The following SHOC2 variants were observed in gnomAD, a reference collection of about 807,000 sequenced individuals.
SHOC2 encodes the protein leucine-rich repeat protein SHOC-2.
A neutral mutation model predicts 50.2 loss-of-function variants in SHOC2; 4 were observed. The ratio of observed to expected loss-of-function variants is 0.08; its 90% CI spans 0.04 to 0.18. The LOEUF is 0.18. Among genes scored for constraint, SHOC2 ranks in the 10% least tolerant of loss-of-function variants. SHOC2 has a pLI of 1.00. For synonymous variants in SHOC2, 218 were observed against 244.5 expected, an observed-to-expected ratio of 0.89 and a Z score of 1.01; for missense variants, 388 against 669.6, an observed-to-expected ratio of 0.58 and a Z score of 4.64.
chr10:111,012,203 C>T lies in SHOC2; in HGVS notation c.*385C>T, dbSNP rs1260287622. On this transcript the variant is annotated 3_prime_UTR_variant, in exon 9 of 9. Coordinates refer to ENST00000369452, the MANE Select transcript of SHOC2 (RefSeq NM_007373.4). Reference sequence around the variant, plus strand: ...ACTTTTCATATATATTTTCCCCTTACCAATTGTTTTATCCTTATAGTATTG... The same window carrying T: ...ACTTTTCATATATATTTTCCCCTTATCAATTGTTTTATCCTTATAGTATTG... 4.6e-6 allele frequency: 1 copy of T among 217,896 alleles called. No individual in the cohort carries two copies. Among genetic ancestry groups the T allele is most frequent in the East Asian group, 1.3e-4 (1 of 7,956 alleles). 13.5% of individuals were successfully genotyped at this position (217,896 alleles called of 1,614,324 possible). A position where few individuals can be genotyped will look rare whatever the true frequency, so the allele number is the denominator to read the frequency against.
intron 4 of SHOC2, 87 bp from the exon 5 acceptor site, chr10:111,004,519 T>G: frequency 1.1e-6 from 1 of 942,928 alleles, no homozygotes; most frequent in Non-Finnish European, 1.7e-6. Flanking sequence ...CAAAGCCCTT[T>G]GAGGCATTTG....
intron 1 of SHOC2, among the ~76,000 whole-genome samples, chr10:110,950,918 C>T (rs1847338786): frequency 2.0e-5 from 3 of 151,886 alleles, no homozygotes; most frequent in Admixed American, 6.6e-5. Flanking sequence ...ACTTAAAGAG[C>T]GAAAACTGTA....
chr10:110,949,935 A>T (rs1454941871), intron 1 of SHOC2, among the ~76,000 whole-genome samples: 2 of 152,186 alleles, frequency 1.3e-5, no homozygotes, highest in Non-Finnish European at 2.9e-5. Flanking sequence ...TCAACACCAT[A>T]AAGATTATAT....
chr10:110,944,251 T>C (rs1847206083), intron 1 of SHOC2, among the ~76,000 whole-genome samples: 1 of 152,178 alleles, frequency 6.6e-6, no homozygotes, highest in Non-Finnish European at 1.5e-5. Flanking sequence ...AGTTGGTACT[T>C]ATCCAGGCCC....
intron 3 of SHOC2, among the ~76,000 whole-genome samples, chr10:110,998,183 G>A (rs1245128199): frequency 6.6e-6 from 1 of 151,872 alleles, no homozygotes; most frequent in Non-Finnish European, 1.5e-5. Flanking sequence ...ATTTTTAGTA[G>A]AGATGGGGTT....
At chr10:110,925,061 ACT>A (rs1167360958) in intron 1 of SHOC2, among the ~76,000 whole-genome samples, 1 of 114,366 alleles carries the variant, frequency 8.7e-6, no homozygotes, top group African/African-American at 3.3e-5. Context: ...ACAGAGTGAG[ACT>A]CTGTCTCAAA....
At chr10:110,959,419 G>A (rs1436173110) in intron 1 of SHOC2, among the ~76,000 whole-genome samples, 1 of 152,198 alleles carries the variant, frequency 6.6e-6, no homozygotes, top group Non-Finnish European at 1.5e-5. Flanking sequence ...AGTATGCAAG[G>A]ATAGTTCTCA....
intron 8 of SHOC2, among the ~76,000 whole-genome samples, chr10:111,011,316 C>A (rs1848561985): frequency 1.3e-5 from 2 of 152,058 alleles, no homozygotes; most frequent in Admixed American, 1.3e-4. Context: ...GGAGATGGGG[C>A]ATATGTATTT....
At chr10:110,983,204 G>A (rs145668167) in intron 2 of SHOC2, among the ~76,000 whole-genome samples, 1 of 151,854 alleles carries the variant, frequency 6.6e-6, no homozygotes, top group Admixed American at 6.6e-5. Context: ...TTTGAAATAT[G>A]TGCCTTCTCC....
At chr10:110,920,830 C>T (rs188743463) in intron 1 of SHOC2, among the ~76,000 whole-genome samples, 1 of 152,270 alleles carries the variant, frequency 6.6e-6, no homozygotes, top group Admixed American at 6.5e-5. Context: ...ATAGTATTTG[C>T]CTCCAGCGTG....
chr10:110,952,621 T>C (rs945537990), intron 1 of SHOC2, among the ~76,000 whole-genome samples: 5 of 152,094 alleles, frequency 3.3e-5, no homozygotes, highest in Non-Finnish European at 7.4e-5. Flanking sequence ...TGGGTATACA[T>C]GTGCCATCAT....
chr10:111,000,180 A>G (rs1251855120), intron 3 of SHOC2, among the ~76,000 whole-genome samples: 1 of 152,206 alleles, frequency 6.6e-6, no homozygotes, highest in Non-Finnish European at 1.5e-5. Context: ...CGTTCATTTA[A>G]AAATTAACTT....
At chr10:110,977,487 C>T (rs1218177046) in intron 2 of SHOC2, among the ~76,000 whole-genome samples, 2 of 152,116 alleles carry the variant, frequency 1.3e-5, no homozygotes, top group African/African-American at 2.4e-5. Context: ...TCAGGTGATC[C>T]GCCCGCCTCA....
chr10:110,952,446 T>G (rs2134105632), intron 1 of SHOC2, among the ~76,000 whole-genome samples: 1 of 152,314 alleles, frequency 6.6e-6, no homozygotes, highest in East Asian at 1.9e-4. Flanking sequence ...TAATGACATA[T>G]AACTATCACT....
At chr10:110,997,583 T>C (rs956191373) in intron 3 of SHOC2, among the ~76,000 whole-genome samples, 3 of 152,214 alleles carry the variant, frequency 2.0e-5, no homozygotes, top group African/African-American at 7.2e-5. Context: ...CTTAAAACTT[T>C]TTATAACATA....
At chr10:110,921,523 G>A (rs1194285242) in intron 1 of SHOC2, among the ~76,000 whole-genome samples, 1 of 151,998 alleles carries the variant, frequency 6.6e-6, no homozygotes, top group African/African-American at 2.4e-5. Context: ...TTCCCAAGGT[G>A]CTTGTTCAGT....
At chr10:110,957,896 A>G (rs1000313249) in intron 1 of SHOC2, among the ~76,000 whole-genome samples, 3 of 152,128 alleles carry the variant, frequency 2.0e-5, no homozygotes, top group Non-Finnish European at 4.4e-5. Flanking sequence ...CATGTTCTCA[A>G]CAGATTAATT....
At chr10:111,010,701 G>C (rs1406875022) in intron 8 of SHOC2, among the ~76,000 whole-genome samples, 2 of 151,882 alleles carry the variant, frequency 1.3e-5, no homozygotes, top group Admixed American at 6.6e-5. Flanking sequence ...TGGTTTTGGA[G>C]ATAATTGACA....
intron 1 of SHOC2, among the ~76,000 whole-genome samples, chr10:110,953,864 C>T (rs1456754573): frequency 6.6e-6 from 1 of 151,216 alleles, no homozygotes; most frequent in African/African-American, 2.4e-5. Flanking sequence ...GGTGATACCT[C>T]TTCTATAGTA....
Sources: allele counts gnomAD v4.1 joint callset (sites outside exome capture counted in the v4.1 genomes callset), GRCh38; gene constraint gnomAD v4.1.1; transcripts MANE v1.5; gene names NCBI Gene and HGNC (gene_info 2026-07-23, HGNC 2026-07-21).